NEDD9: variants seen among roughly 807,000 people sequenced by gnomAD.
NEDD9 encodes the protein neural precursor cell expressed, developmentally down-regulated 9.
Under a neutral mutation model 76.6 loss-of-function variants are expected in NEDD9, and 26 were observed. That is an observed-to-expected ratio of 0.34 (90% confidence interval 0.25 to 0.47). NEDD9 has a LOEUF of 0.47. Among genes scored for constraint, NEDD9 ranks in the 20% least tolerant of loss-of-function variants. The probability of loss-of-function intolerance (pLI) is 1.00; values close to 1 mark genes in which losing one functional copy is unlikely to be tolerated. For missense variants in NEDD9, 937 were observed against 1,058.5 expected (o/e 0.89, Z 1.59); for synonymous variants, 392 against 414.2 (o/e 0.95, Z 0.65).
At chr6:11,300,656 G>A (rs544060028) in intron 3 of NEDD9, among the ~76,000 whole-genome samples, 2 of 152,332 alleles carry the variant, frequency 1.3e-5, no homozygotes, top group South Asian at 4.1e-4. Context: ...CAGACTAACA[G>A]CGGATCTGTT....
chr6:11,315,311 T>C (rs1056472595), intron 2 of NEDD9, among the ~76,000 whole-genome samples: 12 of 152,206 alleles, frequency 7.9e-5, no homozygotes, highest in African/African-American at 2.9e-4. Flanking sequence ...CATTAAACCC[T>C]TCATAAAACA....
At chr6:11,343,428 CAA>C (rs751376881) in intron 1 of NEDD9, among the ~76,000 whole-genome samples, 9 of 135,932 alleles carry the variant, frequency 6.6e-5, no homozygotes, top group East Asian at 2.1e-4. Flanking sequence ...GGCTCTGTCT[CAA>C]AAAAAAAAAA....
chr6:11,221,938 T>C (rs754272755), intron 1 of NEDD9, among the ~76,000 whole-genome samples: 6 of 152,180 alleles, frequency 3.9e-5, no homozygotes, highest in Non-Finnish European at 8.8e-5. Context: ...CATATCTATC[T>C]GCCTGTCTAG....
intron 1 of NEDD9, among the ~76,000 whole-genome samples, chr6:11,347,033 C>T (rs1320411774): frequency 2.0e-5 from 3 of 152,094 alleles, no homozygotes; most frequent in Non-Finnish European, 2.9e-5. Context: ...ACTCACCAGC[C>T]TGCTCTCCTC....
intron 1 of NEDD9, among the ~76,000 whole-genome samples, chr6:11,364,988 T>G (rs1349538205): frequency 6.6e-6 from 1 of 151,876 alleles, no homozygotes; most frequent in African/African-American, 2.4e-5. Context: ...GCGGTGAGGG[T>G]CAGTGTAGCA....
chr6:11,310,937 CAAT>C (rs992893597), intron 2 of NEDD9, among the ~76,000 whole-genome samples: 6 of 152,156 alleles, frequency 3.9e-5, no homozygotes, highest in African/African-American at 1.4e-4. Flanking sequence ...ATCCTTGTAA[CAAT>C]AAGGAAAATG....
chr6:11,314,260 C>T (rs991394495), intron 2 of NEDD9, among the ~76,000 whole-genome samples: 7 of 152,174 alleles, frequency 4.6e-5, no homozygotes, highest in African/African-American at 1.4e-4. Context: ...ATCTTTGTTA[C>T]CCCAGCTCAG....
intron 1 of NEDD9, among the ~76,000 whole-genome samples, chr6:11,335,673 T>C (rs955643315): frequency 1.3e-5 from 2 of 152,232 alleles, no homozygotes; most frequent in African/African-American, 2.4e-5. Flanking sequence ...CAAGTGTTCA[T>C]TGAATCCCAA....
In NEDD9 at chr6:11,193,626, C is replaced by T. The variant is rs773292318; in HGVS notation, c.526G>A (p.Val176Ile). The change falls in exon 3 of 7, where the codon GTC becomes ATC. Residue 176 changes from valine (V) to isoleucine (I), a missense_variant. Physicochemically the swap from Val to Ile is conservative, Grantham distance 29. Transcript: ENST00000379446. ...YEYPSRYQKD[V>I]YDIPPSHTTQ... Reference sequence around the variant, plus strand: ...GTATGAGAAGGAGGGATATCATAGACGTCCTTTTGGTATCTGGATGGGTAC... The same window carrying T: ...GTATGAGAAGGAGGGATATCATAGATGTCCTTTTGGTATCTGGATGGGTAC... 7 of 1,613,820 alleles carry T rather than the reference C, an allele frequency of 4.3e-6. No homozygotes were observed. Among genetic ancestry groups the T allele is most frequent in the East Asian group, 4.5e-5 (2 of 44,872 alleles).
upstream of NEDD9, chr6:11,233,144 T>C: frequency 1.4e-5 from 5 of 363,700 alleles, no homozygotes; most frequent in Non-Finnish European, 2.8e-5. Flanking sequence ...TGCTGATACC[T>C]CTCTCTCTCT....
Position 11,185,082 on chromosome 6 carries a change from T to TA in NEDD9, c.*79dup. Reference sequence around the variant, plus strand: ...TATATAAAATATCTACAAAAATAGATAACATTTACAAAAACCAGACAGTAT... The same window carrying TA: ...TATATAAAATATCTACAAAAATAGATAAACATTTACAAAAACCAGACAGTAT... On this transcript the variant is annotated 3_prime_UTR_variant, in exon 7 of 7. Coordinates refer to ENST00000379446, the MANE Select transcript of NEDD9 (RefSeq NM_006403.4). The TA allele has an allele frequency of 7.0e-7, 1 of 1,436,492 alleles. No homozygotes were observed. The highest frequency in any genetic ancestry group is 9.4e-7 in the Non-Finnish European group (1 of 1,068,538). 89.0% of individuals were successfully genotyped at this position (1,436,492 alleles called of 1,614,324 possible).
intron 2 of NEDD9, among the ~76,000 whole-genome samples, chr6:11,315,582 T>C (rs1351817537): frequency 2.6e-5 from 4 of 152,206 alleles, no homozygotes; most frequent in Admixed American, 1.3e-4. Flanking sequence ...AACAGCCAAA[T>C]TGGGTGGTTT....
At chr6:11,340,027 C>A (rs1255497883) in intron 1 of NEDD9, among the ~76,000 whole-genome samples, 1 of 152,172 alleles carries the variant, frequency 6.6e-6, no homozygotes, top group Non-Finnish European at 1.5e-5. Context: ...TTAGTGATGG[C>A]CGCAAGTTCA....
chr6:11,267,767 T>C (rs1203990053), intron 3 of NEDD9, among the ~76,000 whole-genome samples: 1 of 152,188 alleles, frequency 6.6e-6, no homozygotes, highest in Non-Finnish European at 1.5e-5. Context: ...TCCAATAAAC[T>C]GTTTAAAAAA....
At chr6:11,291,729 C>T (rs1358969458) in intron 3 of NEDD9, among the ~76,000 whole-genome samples, 3 of 152,268 alleles carry the variant, frequency 2.0e-5, no homozygotes, top group East Asian at 1.9e-4. Flanking sequence ...TTCAGTGTAA[C>T]GGTGCCTCTG....
chr6:11,203,976 A>T (rs1020169638), intron 2 of NEDD9, among the ~76,000 whole-genome samples: 56 of 34,376 alleles, frequency 1.6e-3, no homozygotes, highest in Admixed American at 0.016. Context: ...TCTTTTCTTT[A>T]AAAAAAAAAA....
chr6:11,243,516 G>A (rs1183757577), intron 3 of NEDD9, among the ~76,000 whole-genome samples: 1 of 152,166 alleles, frequency 6.6e-6, no homozygotes, highest in East Asian at 1.9e-4. Flanking sequence ...TGCTCCAGGG[G>A]AACCCCCAGC....
intron 1 of NEDD9, among the ~76,000 whole-genome samples, chr6:11,373,722 C>G (rs1350548584): frequency 6.6e-6 from 1 of 152,200 alleles, no homozygotes; most frequent in Non-Finnish European, 1.5e-5. Context: ...GTTAACTTGG[C>G]TAAGCCAAGG....
At chr6:11,350,558 C>T (rs1013872238) in intron 1 of NEDD9, among the ~76,000 whole-genome samples, 1 of 152,200 alleles carries the variant, frequency 6.6e-6, no homozygotes, top group South Asian at 2.1e-4. Flanking sequence ...CAACTTCCTC[C>T]GTGACTAACT....
Sources: gnomAD v4.1 joint callset for allele counts (sites outside exome capture counted in the v4.1 genomes callset) on GRCh38, gnomAD v4.1.1 for gene constraint, MANE v1.5 for transcripts, NCBI Gene and HGNC (gene_info 2026-07-23, HGNC 2026-07-21) for gene names.